The following NAV2 variants were observed in gnomAD, a reference collection of about 807,000 sequenced individuals.
The protein encoded by NAV2 is neuron navigator 2.
A neutral mutation model predicts 223.2 loss-of-function variants in NAV2; 54 were observed. That is an observed-to-expected ratio of 0.24 (90% CI 0.19 to 0.30). The LOEUF is 0.30. NAV2 is among the 10% of genes least tolerant of loss of function. NAV2 has a pLI of 1.00. For synonymous variants in NAV2, 1,279 were observed against 1,239.3 expected (o/e 1.03, Z -0.67); for missense variants, 2,806 against 3,147.5 (o/e 0.89, Z 2.60).
chr11:20,031,761 T>TGC (rs2055773540), intron 11 of NAV2, among the ~76,000 whole-genome samples: 1 of 150,456 alleles, frequency 6.6e-6, no homozygotes, highest in African/African-American at 2.5e-5. Flanking sequence ...TGTGTGTGTG[T>TGC]GCTTCATTCT....
intron 1 of NAV2, among the ~76,000 whole-genome samples, chr11:19,485,347 G>A (rs2042408004): frequency 6.6e-6 from 1 of 152,128 alleles, no homozygotes; most frequent in Admixed American, 6.5e-5. Flanking sequence ...ATCCAACTGG[G>A]TTTCAGGTCC....
At chr11:19,840,981 C>A (rs778214029) in intron 2 of NAV2, among the ~76,000 whole-genome samples, 1 of 152,162 alleles carries the variant, frequency 6.6e-6, no homozygotes, top group Non-Finnish European at 1.5e-5. Flanking sequence ...TTCTAATAAA[C>A]AGAAGAACAA....
At chr11:19,382,314 T>A (rs138728288) in intron 1 of NAV2, among the ~76,000 whole-genome samples, 1 of 152,142 alleles carries the variant, frequency 6.6e-6, no homozygotes, top group African/African-American at 2.4e-5. Context: ...CCATGCTGAA[T>A]GAGAGCCTGG....
chr11:20,090,817 G>A, intron 26 of NAV2, 48 bp from the exon 27 acceptor site: 2 of 1,591,144 alleles, frequency 1.3e-6, no homozygotes, highest in Non-Finnish European at 1.7e-6. Context: ...GTGTTCAGTA[G>A]GGGACTAAAA....
upstream of NAV2, among the ~76,000 whole-genome samples, chr11:19,348,701 T>C (rs1001149867): frequency 3.9e-5 from 6 of 152,346 alleles, no homozygotes; most frequent in African/African-American, 1.4e-4. Context: ...GCAATTATCA[T>C]TTGATCACCT....
At chr11:19,877,470 C>CTTTTTTTTTTTTTTTTTTTTTCT (rs1289323253) in intron 4 of NAV2, among the ~76,000 whole-genome samples, 3 of 82,602 alleles carry the variant, frequency 3.6e-5, no homozygotes, top group East Asian at 6.6e-4. Flanking sequence ...TATCTTCATT[C>CTTTTTTTTTTTTTTTTTTTTTCT]TTTTTTTTTT....
chr11:19,960,093 C>T (rs1047507961), intron 10 of NAV2, among the ~76,000 whole-genome samples: 1 of 152,198 alleles, frequency 6.6e-6, no homozygotes, highest in Non-Finnish European at 1.5e-5. Flanking sequence ...AAGTTCTAGT[C>T]AGTTCCAGGC....
At chr11:19,730,234 G>A (rs1348911174) in intron 1 of NAV2, among the ~76,000 whole-genome samples, 1 of 152,188 alleles carries the variant, frequency 6.6e-6, no homozygotes, top group Non-Finnish European at 1.5e-5. Flanking sequence ...TGGGCAGAGT[G>A]CCCTGGAGTC....
intron 6 of NAV2, among the ~76,000 whole-genome samples, chr11:19,920,203 C>T (rs976897127): frequency 2.0e-5 from 3 of 152,160 alleles, no homozygotes; most frequent in African/African-American, 7.2e-5. Context: ...ATGACTTGGG[C>T]AAGTTGCTAA....
At chr11:19,889,836 T>C (rs745546594) in intron 5 of NAV2, among the ~76,000 whole-genome samples, 37 of 152,248 alleles carry the variant, frequency 2.4e-4, no homozygotes, top group Non-Finnish European at 2.6e-4. Flanking sequence ...TCTTCTGGAA[T>C]GTTCCTAGGG....
intron 1 of NAV2, among the ~76,000 whole-genome samples, chr11:19,607,853 C>G (rs2046523855): frequency 6.6e-6 from 1 of 152,170 alleles, no homozygotes; most frequent in Non-Finnish European, 1.5e-5. Flanking sequence ...ATTCTTCAAA[C>G]AAGATAACTG....
At chr11:19,520,279 C>G (rs1184760996) in intron 1 of NAV2, among the ~76,000 whole-genome samples, 3 of 152,260 alleles carry the variant, frequency 2.0e-5, no homozygotes, top group Non-Finnish European at 4.4e-5. Flanking sequence ...GACACCAGCT[C>G]ATTTTCAGGC....
intron 6 of NAV2, among the ~76,000 whole-genome samples, chr11:19,908,565 G>A (rs1475241815): frequency 1.3e-5 from 2 of 152,214 alleles, no homozygotes; most frequent in African/African-American, 4.8e-5. Context: ...AGCCACTAGC[G>A]CTACATGTGA....
chr11:19,582,746 C>T (rs2045762065), intron 1 of NAV2, among the ~76,000 whole-genome samples: 2 of 152,088 alleles, frequency 1.3e-5, no homozygotes, highest in Non-Finnish European at 2.9e-5. Flanking sequence ...GGTACCAGTA[C>T]CATGCTGTTT....
intron 1 of NAV2, among the ~76,000 whole-genome samples, chr11:19,773,773 G>T (rs67058053): frequency 0.4 from 60,177 of 151,760 alleles, 13,869 homozygotes; most frequent in African/African-American, 0.65. Context: ...GTGATATCAG[G>T]CATCTCTTCC....
chr11:19,470,612 C>G (rs1462361024), intron 1 of NAV2, among the ~76,000 whole-genome samples: 1 of 152,128 alleles, frequency 6.6e-6, no homozygotes, highest in East Asian at 1.9e-4. Context: ...CCATAATGAC[C>G]TAATCACCTC....
At chr11:20,048,616 G>T in intron 14 of NAV2, 112 bp from the exon 15 acceptor site, 2 of 891,142 alleles carry the variant, frequency 2.2e-6, no homozygotes, top group Non-Finnish European at 3.5e-6. Context: ...AGGAATGGCT[G>T]TGCTTCCTTC....
At chr11:19,540,152 G>T (rs1249746306) in intron 1 of NAV2, among the ~76,000 whole-genome samples, 1 of 152,084 alleles carries the variant, frequency 6.6e-6, no homozygotes, top group Non-Finnish European at 1.5e-5. Context: ...GAGCCAGGGG[G>T]CCCCGCCTGC....
intron 1 of NAV2, among the ~76,000 whole-genome samples, chr11:19,387,874 C>T (rs1849103809): frequency 6.6e-6 from 1 of 152,104 alleles, no homozygotes; most frequent in African/African-American, 2.4e-5. Flanking sequence ...TGTGTGGTTC[C>T]CTTCTATGAA....
Sources: allele counts gnomAD v4.1 joint callset (sites outside exome capture counted in the v4.1 genomes callset), GRCh38; gene constraint gnomAD v4.1.1; transcripts MANE v1.5; gene names NCBI Gene and HGNC (gene_info 2026-07-23, HGNC 2026-07-21).